The following SUGCT variants were observed in gnomAD, a reference collection of about 807,000 sequenced individuals.
SUGCT encodes succinyl-CoA:glutarate CoA-transferase.
A neutral mutation model predicts 55.0 loss-of-function variants in SUGCT; 41 were observed. The ratio of observed to expected loss-of-function variants is 0.74; its 90% CI spans 0.58 to 0.97. The LOEUF (loss-of-function observed/expected upper bound fraction) is 0.97, where lower values mean the gene tolerates loss of function less well. SUGCT is among the 50% of genes least tolerant of loss of function. SUGCT has a pLI of 0.00. For synonymous variants in SUGCT, 187 were observed against 200.4 expected (o/e 0.93, Z 0.56); for missense variants, 568 against 547.8 (o/e 1.04, Z -0.37).
the SUGCT span, among the ~76,000 whole-genome samples, chr7:40,930,732 T>C: frequency 1.3e-5 from 2 of 152,216 alleles, no homozygotes; most frequent in Non-Finnish European, 2.9e-5. Flanking sequence ...TGTCTGTTAT[T>C]GGTGTATAGG....
intron 12 of SUGCT, among the ~76,000 whole-genome samples, chr7:40,643,235 C>T (rs991838613): frequency 5.9e-5 from 9 of 152,288 alleles, no homozygotes; most frequent in Admixed American, 4.6e-4. Context: ...ATATAAGTCC[C>T]TTTCAAGTGA....
chr7:40,283,875 T>C (rs181209313), intron 8 of SUGCT, among the ~76,000 whole-genome samples: 121 of 152,308 alleles, frequency 7.9e-4, no homozygotes, highest in Non-Finnish European at 4.4e-5. Context: ...TGCATTTTCA[T>C]GTTCGCTGCA....
intron 12 of SUGCT, among the ~76,000 whole-genome samples, chr7:40,507,303 C>A (rs1269320878): frequency 1.3e-5 from 2 of 152,152 alleles, no homozygotes; most frequent in African/African-American, 4.8e-5. Context: ...AGCTCTGAGT[C>A]TTTCCAATTG....
rs184535067 is a variant in SUGCT at position 40,639,024 on chromosome 7, A to G, written c.1090-110410A>G. Among the ~76,000 whole-genome samples, 4 of 152,328 alleles carry G rather than the reference A, an allele frequency of 2.6e-5. No individual in the cohort carries two copies. In the East Asian group the frequency reaches 7.7e-4, roughly 29 times the overall value. On this transcript the variant is annotated intron_variant, in intron 12 of 13. Coordinates refer to ENST00000335693, the MANE Select transcript of SUGCT (RefSeq NM_001193313.2). ...TAGAAATCTCACGCTATTGAGATTGAATTGGGTGAACAGTGGGATGACTTG... is the reference window on the plus strand; with the variant it reads ...TAGAAATCTCACGCTATTGAGATTGGATTGGGTGAACAGTGGGATGACTTG...
intron 6 of SUGCT, among the ~76,000 whole-genome samples, chr7:40,197,679 A>G (rs537843196): frequency 6.6e-6 from 1 of 152,330 alleles, no homozygotes; most frequent in African/African-American, 2.4e-5. Flanking sequence ...CAAATGGAGT[A>G]TTTGTCAAAG....
chr7:40,735,382 A>AT (rs1787102288), intron 12 of SUGCT, among the ~76,000 whole-genome samples: 1 of 152,198 alleles, frequency 6.6e-6, no homozygotes, highest in Admixed American at 6.5e-5. Context: ...GGAACACCAA[A>AT]TTAAGACTTC....
At chr7:40,720,219 C>T (rs898093655) in intron 12 of SUGCT, among the ~76,000 whole-genome samples, 3 of 152,090 alleles carry the variant, frequency 2.0e-5, no homozygotes, top group Non-Finnish European at 4.4e-5. Flanking sequence ...ACTCCTTGGT[C>T]CTGAGTATTC....
chr7:40,683,838 C>T (rs1386814039), intron 12 of SUGCT, among the ~76,000 whole-genome samples: 1 of 152,208 alleles, frequency 6.6e-6, no homozygotes, highest in Admixed American at 6.5e-5. Flanking sequence ...CCAGAAATGT[C>T]ATGGCTTTAA....
At chr7:40,190,991 A>C (rs1785868564) in intron 5 of SUGCT, among the ~76,000 whole-genome samples, 2 of 152,158 alleles carry the variant, frequency 1.3e-5, no homozygotes, top group Non-Finnish European at 2.9e-5. Context: ...AACTGTACTT[A>C]GGGCTATTTG....
intron 6 of SUGCT, among the ~76,000 whole-genome samples, chr7:40,212,917 C>G (rs1045567219): frequency 6.6e-6 from 1 of 152,082 alleles, no homozygotes; most frequent in Non-Finnish European, 1.5e-5. Context: ...CATTAATTAA[C>G]TTGATGATGG....
chr7:40,396,317 C>T (rs778227717), intron 9 of SUGCT, among the ~76,000 whole-genome samples: 46 of 151,806 alleles, frequency 3.0e-4, no homozygotes, highest in Non-Finnish European at 5.3e-4. Flanking sequence ...CCAATTTTTC[C>T]GAGAATTATT....
the SUGCT span, among the ~76,000 whole-genome samples, chr7:41,029,605 G>A: frequency 2.6e-5 from 4 of 152,074 alleles, no homozygotes; most frequent in South Asian, 2.1e-4. Flanking sequence ...CTTTACTTTC[G>A]GCAGTTTTAG....
intron 12 of SUGCT, among the ~76,000 whole-genome samples, chr7:40,707,028 G>GC (rs1785451988): frequency 6.6e-6 from 1 of 152,152 alleles, no homozygotes; most frequent in Non-Finnish European, 1.5e-5. Flanking sequence ...TGGAACAAGA[G>GC]CATCTCTGTG....
At chr7:40,661,626 T>C (rs144151283) in intron 12 of SUGCT, among the ~76,000 whole-genome samples, 3,152 of 152,252 alleles carry the variant, frequency 0.021, 34 homozygotes, top group Middle Eastern at 0.044. Flanking sequence ...GGAATTTGAC[T>C]CCTACAACTC....
intron 9 of SUGCT, among the ~76,000 whole-genome samples, chr7:40,418,214 G>A (rs1372187255): frequency 6.6e-6 from 1 of 152,150 alleles, no homozygotes; most frequent in Non-Finnish European, 1.5e-5. Flanking sequence ...CAGTCATTGT[G>A]TTCCTGATTG....
At chr7:40,927,174 G>A in the SUGCT span, among the ~76,000 whole-genome samples, 11 of 152,152 alleles carry the variant, frequency 7.2e-5, no homozygotes, top group South Asian at 2.1e-4. Context: ...GGAAAATGTA[G>A]CTACTTAGCA....
chr7:40,773,537 A>G (rs752792011), intron 13 of SUGCT, among the ~76,000 whole-genome samples: 2 of 152,206 alleles, frequency 1.3e-5, no homozygotes, highest in African/African-American at 2.4e-5. Flanking sequence ...CAACATCAGC[A>G]TAGTGATGGG....
chr7:40,199,148 A>T (rs1464319288), intron 6 of SUGCT, among the ~76,000 whole-genome samples: 1 of 152,028 alleles, frequency 6.6e-6, no homozygotes, highest in Non-Finnish European at 1.5e-5. Context: ...CTCTCTTGTC[A>T]GTGCTGTCCA....
At chr7:40,615,136 T>C (rs1253744334) in intron 12 of SUGCT, among the ~76,000 whole-genome samples, 1 of 152,058 alleles carries the variant, frequency 6.6e-6, no homozygotes, top group Non-Finnish European at 1.5e-5. Context: ...CTGCTAATTC[T>C]ATATTGAATG....
Sources: allele counts gnomAD v4.1 joint callset (sites outside exome capture counted in the v4.1 genomes callset), GRCh38; gene constraint gnomAD v4.1.1; transcripts MANE v1.5; gene names NCBI Gene and HGNC (gene_info 2026-07-23, HGNC 2026-07-21).